The following PDE8A variants were observed in gnomAD, a reference collection of about 807,000 sequenced individuals.
PDE8A encodes phosphodiesterase 8A.
PDE8A carries 59 observed loss-of-function variants against 105.0 expected under a neutral mutation model. The observed-to-expected ratio is 0.56, with a 90% CI of 0.46 to 0.70. The LOEUF (loss-of-function observed/expected upper bound fraction) is 0.70. Ranked by LOEUF, PDE8A falls within the 30% of genes least tolerant of loss-of-function variation. The pLI is 0.00. For missense variants in PDE8A, 1,014 were observed against 1,045.9 expected (o/e 0.97, Z 0.42); for synonymous variants, 355 against 371.9 (o/e 0.95, Z 0.52).
chr15:85,037,491 G>C (rs192672318), intron 1 of PDE8A, among the ~76,000 whole-genome samples: 116 of 152,244 alleles, frequency 7.6e-4, no homozygotes, highest in African/African-American at 2.7e-3. Flanking sequence ...GATTAGTTTT[G>C]CCTGATTTGA....
chr15:85,042,354 A>G (rs2080823575), intron 1 of PDE8A, among the ~76,000 whole-genome samples: 1 of 151,958 alleles, frequency 6.6e-6, no homozygotes, highest in African/African-American at 2.4e-5. Flanking sequence ...TTTTGTAGAG[A>G]CAGCATCTCG....
chr15:84,987,547 C>T lies in PDE8A; in HGVS notation c.186+5199C>T, dbSNP rs138030771. 7.8e-4 allele frequency among the ~76,000 whole-genome samples: 113 copies of T among 145,702 alleles called. No individual in the cohort carries two copies. In the East Asian group the frequency reaches 0.022, roughly 28 times the overall value. On this transcript the variant is annotated intron_variant, in intron 1 of 21. Transcript: ENST00000394553. ...AGTGTAATGGTGCGATCTCAGCTTACCACAACCTCCGCCTCCCGGGTCGAA... is the reference window on the plus strand; with the variant it reads ...AGTGTAATGGTGCGATCTCAGCTTATCACAACCTCCGCCTCCCGGGTCGAA...
chr15:85,136,749 A>T (rs1394887728), intron 21 of PDE8A, 86 bp downstream of exon 21: 2 of 1,342,686 alleles, frequency 1.5e-6, no homozygotes, highest in Non-Finnish European at 2.0e-6. Flanking sequence ...TGACTGTAGA[A>T]TATGATTTGG....
At chr15:85,009,492 C>T (rs976979412) in intron 1 of PDE8A, among the ~76,000 whole-genome samples, 7 of 151,994 alleles carry the variant, frequency 4.6e-5, no homozygotes, top group African/African-American at 1.2e-4. Context: ...TAGGACTTTT[C>T]GTTGGTAAAT....
At chr15:85,066,236 T>C (rs966280397) in intron 2 of PDE8A, among the ~76,000 whole-genome samples, 1 of 152,160 alleles carries the variant, frequency 6.6e-6, no homozygotes, top group East Asian at 1.9e-4. Context: ...TAAATCTTTG[T>C]TGAGTTCTGC....
chr15:85,024,865 G>A (rs2080488132), intron 1 of PDE8A, among the ~76,000 whole-genome samples: 1 of 152,180 alleles, frequency 6.6e-6, no homozygotes, highest in South Asian at 2.1e-4. Flanking sequence ...GTGGTTGTTA[G>A]TCATTCTTTT....
chr15:85,138,230 CAG>C lies in PDE8A; in HGVS notation c.*330_*331del, dbSNP rs1417733332. 4.5e-6 allele frequency: 1 copy of C among 222,652 alleles called. No individual in the cohort carries two copies. Among genetic ancestry groups the C allele is most frequent in the Non-Finnish European group, 8.8e-6 (1 of 113,114 alleles). The allele number at this position is 222,652 out of a possible 1,614,324, so 13.8% of individuals were successfully genotyped here. A position where few individuals can be genotyped will look rare whatever the true frequency, so the allele number is the denominator to read the frequency against. On this transcript the variant is annotated 3_prime_UTR_variant, in exon 22 of 22. Coordinates refer to ENST00000394553, the MANE Select transcript of PDE8A (RefSeq NM_002605.3). ...GTATTGATGGACTTCCTGCCAGTGA[CAG>C]AGCATGTCTATTGCAAACAATTCTC... is the stretch of plus-strand genomic sequence containing the variant.
intron 1 of PDE8A, among the ~76,000 whole-genome samples, chr15:85,022,890 T>G (rs1161271674): frequency 6.6e-6 from 1 of 152,112 alleles, no homozygotes; most frequent in Non-Finnish European, 1.5e-5. Flanking sequence ...ATATTTATTT[T>G]GTTGAATGGA....
intron 1 of PDE8A, among the ~76,000 whole-genome samples, chr15:85,002,278 C>T (rs1406175410): frequency 1.3e-5 from 2 of 152,148 alleles, no homozygotes; most frequent in African/African-American, 2.4e-5. Flanking sequence ...CATGACCACC[C>T]TCTTGGGATT....
chr15:85,030,750 T>C (rs1250041565), intron 1 of PDE8A, among the ~76,000 whole-genome samples: 1 of 152,226 alleles, frequency 6.6e-6, no homozygotes, highest in Admixed American at 6.5e-5. Flanking sequence ...CATGTCCCTC[T>C]TCTTATCTGG....
chr15:85,050,887 A>G (rs1447895409), intron 1 of PDE8A, among the ~76,000 whole-genome samples: 1 of 152,206 alleles, frequency 6.6e-6, no homozygotes, highest in African/African-American at 2.4e-5. Context: ...TTGAATCTAT[A>G]GATTGCTCTG....
chr15:85,000,123 G>A (rs1228307850), intron 1 of PDE8A, among the ~76,000 whole-genome samples: 1 of 152,090 alleles, frequency 6.6e-6, no homozygotes, highest in Non-Finnish European at 1.5e-5. Context: ...TGTGAGCCAC[G>A]GTTCCTTGTA....
chr15:85,115,369 C>G (rs1019834818), intron 14 of PDE8A, 70 bp from the exon 15 acceptor site: 1 of 997,666 alleles, frequency 1.0e-6, no homozygotes, highest in Admixed American at 2.3e-5. Flanking sequence ...GTGGGAGGAC[C>G]ACCTGGAGTT....
intron 1 of PDE8A, among the ~76,000 whole-genome samples, chr15:84,994,822 G>A (rs1053227859): frequency 1.3e-5 from 2 of 152,014 alleles, no homozygotes; most frequent in African/African-American, 4.8e-5. Flanking sequence ...AAATTAGCTG[G>A]GCATGGTGGC....
At chr15:84,999,826 G>C (rs1367784315) in intron 1 of PDE8A, among the ~76,000 whole-genome samples, 4 of 151,902 alleles carry the variant, frequency 2.6e-5, no homozygotes, top group Admixed American at 6.6e-5. Context: ...CACCTGCCTC[G>C]GCCTCCCAAA....
At position 85,049,871 on chromosome 15, in the gene PDE8A, G is replaced by T. The variant is rs145525424; in HGVS notation, c.187-14499G>T. On this transcript the variant is annotated intron_variant, in intron 1 of 21. Coordinates refer to ENST00000394553, the MANE Select transcript of PDE8A (RefSeq NM_002605.3). ...CCAAAAGGGGATTGTTGGATCATAT[G>T]TTAATTCTATTTTTTTAATTTTTTG... Among the ~76,000 whole-genome samples, 431 of 152,300 alleles carry T rather than the reference G, an allele frequency of 2.8e-3. 2 individuals carry two copies. The highest frequency in any genetic ancestry group is 0.01 in the African/African-American group (417 of 41,554).
At chr15:85,108,857 C>T (rs1037588919) in intron 11 of PDE8A, among the ~76,000 whole-genome samples, 196 bp from the exon 12 acceptor site, 1 of 152,100 alleles carries the variant, frequency 6.6e-6, no homozygotes, top group Non-Finnish European at 1.5e-5. Flanking sequence ...TTTATCTGTG[C>T]ACCTGGTGGG....
intron 1 of PDE8A, among the ~76,000 whole-genome samples, chr15:85,046,202 C>A (rs943559606): frequency 2.0e-5 from 3 of 152,030 alleles, no homozygotes; most frequent in Non-Finnish European, 4.4e-5. Context: ...CAGGCACCCA[C>A]CACACCTGGC....
chr15:85,086,943 T>C (rs1037873028), intron 6 of PDE8A, among the ~76,000 whole-genome samples: 2 of 152,110 alleles, frequency 1.3e-5, no homozygotes, highest in South Asian at 2.1e-4. Flanking sequence ...TTGTATTTTT[T>C]AGTAGATACG....
Sources: allele counts gnomAD v4.1 joint callset (sites outside exome capture counted in the v4.1 genomes callset), GRCh38; gene constraint gnomAD v4.1.1; transcripts MANE v1.5; gene names NCBI Gene and HGNC (gene_info 2026-07-23, HGNC 2026-07-21).